The following CNIH3 variants were observed in gnomAD, a reference collection of about 807,000 sequenced individuals.
The protein encoded by CNIH3 is protein cornichon homolog 3.
Under a neutral mutation model 24.1 loss-of-function variants are expected in CNIH3, and 14 were observed. That is an observed-to-expected ratio of 0.58 (90% CI 0.38 to 0.91). CNIH3 has a LOEUF of 0.91. Among genes scored for constraint, CNIH3 ranks in the 40% least tolerant of loss-of-function variants. The probability of loss-of-function intolerance (pLI) is 0.00; values close to 1 mark genes in which losing one functional copy is unlikely to be tolerated. For synonymous variants in CNIH3, 68 were observed against 73.8 expected, an observed-to-expected ratio of 0.92 and a Z score of 0.40; for missense variants, 178 against 196.8, an observed-to-expected ratio of 0.90 and a Z score of 0.57.
chr1:224,590,774 C>A (rs2405310), downstream of CNIH3, among the ~76,000 whole-genome samples: 1 of 150,226 alleles, frequency 6.7e-6, no homozygotes, highest in Non-Finnish European at 1.5e-5. Flanking sequence ...TCATAGCTAA[C>A]GCCTTTGTGC....
At chr1:224,567,772 C>G (rs1172816073) in intron 4 of CNIH3, among the ~76,000 whole-genome samples, 2 of 152,076 alleles carry the variant, frequency 1.3e-5, no homozygotes, top group African/African-American at 2.4e-5. Flanking sequence ...AGGTAGAAAT[C>G]AAGGTGAGGG....
chr1:224,561,642 G>T lies in CNIH3; in HGVS notation n.451-4557G>T, dbSNP rs114806153. 1.5e-3 allele frequency among the ~76,000 whole-genome samples: 226 copies of T among 152,280 alleles called. 1 individual carries two copies. The highest frequency in any genetic ancestry group is 4.7e-3 in the African/African-American group (197 of 41,566). ...CGAGACTTTCTTAGAACTGCAGTGT[G>T]GTCTGAGGATCTTCCTACCAGTCTT... On this transcript the variant is annotated intron_variant and non_coding_transcript_variant, in intron 3 of 5. Transcript: ENST00000471578.
At chr1:224,519,592 A>T (rs754935635) in intron 1 of CNIH3, among the ~76,000 whole-genome samples, 2 of 150,008 alleles carry the variant, frequency 1.3e-5, no homozygotes, top group African/African-American at 2.4e-5. Context: ...TACATGTTAT[A>T]TATGTAATAT....
chr1:224,729,069 A>G (rs972601915), intron 3 of CNIH3, among the ~76,000 whole-genome samples: 6 of 152,090 alleles, frequency 3.9e-5, no homozygotes, highest in African/African-American at 1.4e-4. Flanking sequence ...CCAGAGGTAC[A>G]GGGGAGGGTG....
chr1:224,708,362 T>C (rs1437723896), intron 3 of CNIH3, among the ~76,000 whole-genome samples: 1 of 152,174 alleles, frequency 6.6e-6, no homozygotes, highest in Non-Finnish European at 1.5e-5. Context: ...ATCCAGCTCC[T>C]TTTTTCCCCT....
intron 1 of CNIH3, among the ~76,000 whole-genome samples, chr1:224,503,113 C>A (rs1307706181): frequency 3.9e-5 from 6 of 152,028 alleles, no homozygotes; most frequent in African/African-American, 1.5e-4. Flanking sequence ...GAAGTCACCA[C>A]CTTTTTGGGA....
intron 3 of CNIH3, among the ~76,000 whole-genome samples, chr1:224,594,113 C>T (rs1038551433): frequency 9.2e-5 from 14 of 152,168 alleles, no homozygotes; most frequent in African/African-American, 3.1e-4. Flanking sequence ...TAATTAATGC[C>T]ACAGAACTGA....
At chr1:224,591,674 G>T (rs1032720653), downstream of CNIH3, among the ~76,000 whole-genome samples, 3 of 152,130 alleles carry the variant, frequency 2.0e-5, no homozygotes, top group African/African-American at 7.2e-5. Flanking sequence ...CAAGCTGTCA[G>T]GTTCCTTTTA....
chr1:224,450,234 T>G (rs915900845), intron 1 of CNIH3, among the ~76,000 whole-genome samples: 1 of 152,224 alleles, frequency 6.6e-6, no homozygotes, highest in Admixed American at 6.5e-5. Flanking sequence ...AGTCTTGTAT[T>G]GTGTCTCCTA....
chr1:224,599,447 G>A (rs1302128160), intron 3 of CNIH3, among the ~76,000 whole-genome samples: 5 of 152,116 alleles, frequency 3.3e-5, no homozygotes, highest in African/African-American at 1.2e-4. Context: ...TGGCAAAGTT[G>A]AAGCATTTAA....
intron 2 of CNIH3, among the ~76,000 whole-genome samples, chr1:224,543,252 T>C: frequency 6.6e-6 from 1 of 152,246 alleles, no homozygotes; most frequent in South Asian, 2.1e-4. Context: ...CCTGATTCTA[T>C]GGGGAAAGAG....
intron 3 of CNIH3, chr1:224,565,823 G>A (rs959968144): frequency 6.6e-6 from 1 of 152,188 alleles, no homozygotes; most frequent in African/African-American, 2.4e-5. Context: ...TCTCCATGAG[G>A]TAGGGAATTA....
chr1:224,530,477 C>G (rs1392258851), intron 2 of CNIH3, among the ~76,000 whole-genome samples: 8 of 152,110 alleles, frequency 5.3e-5, no homozygotes, highest in Admixed American at 1.3e-4. Flanking sequence ...ATACAGCAAG[C>G]CTGTGAAGTG....
chr1:224,600,952 C>T (rs1390882679), intron 3 of CNIH3, among the ~76,000 whole-genome samples: 5 of 152,188 alleles, frequency 3.3e-5, no homozygotes, highest in African/African-American at 1.2e-4. Context: ...TTACAGGCAG[C>T]GAATCCAAAC....
At chr1:224,690,360 C>T (rs1481280162) in intron 3 of CNIH3, among the ~76,000 whole-genome samples, 1 of 152,124 alleles carries the variant, frequency 6.6e-6, no homozygotes, top group Non-Finnish European at 1.5e-5. Context: ...ACCACCATGC[C>T]TGGCTAATTT....
rs917787118 is a variant in CNIH3 at position 224,704,545 on chromosome 1, C to G, written c.198+19702C>G. On this transcript the variant is annotated intron_variant, in intron 3 of 5. Coordinates refer to ENST00000272133, the MANE Select transcript of CNIH3 (RefSeq NM_152495.2). The surrounding 1 kb of genome is among the most constrained non-coding windows in gnomAD (Gnocchi z 4.2). ...CCACGTAGCCTTCACCAAGATCCGC[C>G]GCTTATTCAGTTTGCCACATTTGCC... Among the ~76,000 whole-genome samples, 1 of 152,132 alleles carries G rather than the reference C, an allele frequency of 6.6e-6. No individual in the cohort carries two copies. Among genetic ancestry groups the G allele is most frequent in the South Asian group, 2.1e-4 (1 of 4,816 alleles).
At chr1:224,726,385 C>T (rs1689023886) in intron 3 of CNIH3, among the ~76,000 whole-genome samples, 1 of 152,152 alleles carries the variant, frequency 6.6e-6, no homozygotes, top group Admixed American at 6.5e-5. Flanking sequence ...AATTTCAGCA[C>T]AAAGTGGTTG....
intron 1 of CNIH3, among the ~76,000 whole-genome samples, chr1:224,655,487 G>A (rs1278494784): frequency 6.6e-6 from 1 of 152,106 alleles, no homozygotes; most frequent in African/African-American, 2.4e-5. Context: ...GCAGGAGGGA[G>A]AATCCTAGTT....
intron 1 of CNIH3, among the ~76,000 whole-genome samples, chr1:224,439,913 A>G (rs1333549434): frequency 6.6e-6 from 1 of 151,968 alleles, no homozygotes; most frequent in Non-Finnish European, 1.5e-5. Context: ...CTCAGCCTCC[A>G]GAGTAGCTGG....
Sources: gnomAD v4.1 joint callset for allele counts (sites outside exome capture counted in the v4.1 genomes callset) on GRCh38, gnomAD v4.1.1 for gene constraint, Gnocchi (gnomAD v3.1) non-coding constraint, MANE v1.5 for transcripts, NCBI Gene and HGNC (gene_info 2026-07-23, HGNC 2026-07-21) for gene names.